Variants in PDE7B observed in about 807,000 individuals in gnomAD.
PDE7B encodes phosphodiesterase 7B, also known as 3',5'-cyclic-AMP phosphodiesterase 7B.
A neutral mutation model predicts 56.2 loss-of-function variants in PDE7B; 29 were observed. The observed-to-expected ratio is 0.52, with a 90% CI of 0.38 to 0.70. PDE7B has a LOEUF of 0.70. PDE7B is among the 30% of genes least tolerant of loss of function. The probability of loss-of-function intolerance (pLI) is 0.00; values close to 1 mark genes in which losing one functional copy is unlikely to be tolerated. For synonymous variants in PDE7B, 197 were observed against 196.9 expected (o/e 1.00, Z 0.00); for missense variants, 490 against 565.0 (o/e 0.87, Z 1.35).
At chr6:136,130,407 C>T (rs1296854832) in intron 3 of PDE7B, among the ~76,000 whole-genome samples, 1 of 152,194 alleles carries the variant, frequency 6.6e-6, no homozygotes, top group Admixed American at 6.5e-5. Context: ...CAGGTGCCAT[C>T]TTGCCTCTAT....
intron 1 of PDE7B, among the ~76,000 whole-genome samples, chr6:135,913,045 C>T (rs1462528796): frequency 6.6e-6 from 1 of 152,172 alleles, no homozygotes; most frequent in Non-Finnish European, 1.5e-5. Flanking sequence ...CTCTAAATCC[C>T]ATTCTCTTTG....
intron 2 of PDE7B, among the ~76,000 whole-genome samples, chr6:136,064,089 CTA>C (rs1776890762): frequency 6.6e-6 from 1 of 152,068 alleles, no homozygotes. Flanking sequence ...TGTGATAAAA[CTA>C]TGAAAATATT....
chr6:135,960,912 T>G (rs748995513), intron 2 of PDE7B, among the ~76,000 whole-genome samples: 18 of 152,334 alleles, frequency 1.2e-4, no homozygotes, highest in Non-Finnish European at 2.6e-4. Context: ...TAGTTCATTC[T>G]TATTTGTTTC....
Position 136,191,603 on chromosome 6 carries a change from G to A in PDE7B, c.1127-11G>A. On this transcript the variant is annotated splice_polypyrimidine_tract_variant and intron_variant, in intron 12 of 12. Transcript: ENST00000308191. ...ACGCTGTGATGCTGAGCCTTGACTT[G>A]CCTGTTCTAGGTTTCATGAGCTACA... 2 of 1,610,936 alleles carry A rather than the reference G, an allele frequency of 1.2e-6. No homozygotes were observed. The highest frequency in any genetic ancestry group is 1.7e-6 in the Non-Finnish European group (2 of 1,177,360).
intron 2 of PDE7B, among the ~76,000 whole-genome samples, chr6:136,098,776 CTTTT>C (rs576368817): frequency 1.4e-5 from 2 of 139,072 alleles, no homozygotes; most frequent in African/African-American, 5.9e-5. Flanking sequence ...ACCTACTTTT[CTTTT>C]TTTTTTTTAT....
intron 2 of PDE7B, among the ~76,000 whole-genome samples, chr6:136,039,920 T>C (rs1776387089): frequency 6.6e-6 from 1 of 152,244 alleles, no homozygotes; most frequent in African/African-American, 2.4e-5. Flanking sequence ...AAAATTCATA[T>C]TACAAACTGC....
chr6:136,142,606 A>C (rs1005527138), intron 3 of PDE7B, among the ~76,000 whole-genome samples: 3 of 152,094 alleles, frequency 2.0e-5, no homozygotes, highest in Admixed American at 6.6e-5. Context: ...GTAGGTCACT[A>C]AGGACTTGCT....
At chr6:135,970,621 C>T (rs1775078305) in intron 2 of PDE7B, among the ~76,000 whole-genome samples, 1 of 152,164 alleles carries the variant, frequency 6.6e-6, no homozygotes, top group Admixed American at 6.5e-5. Context: ...GAGCCAGTTC[C>T]TAATCCATAA....
intron 2 of PDE7B, among the ~76,000 whole-genome samples, chr6:136,019,317 T>C (rs1776030116): frequency 6.6e-6 from 1 of 151,980 alleles, no homozygotes; most frequent in South Asian, 2.1e-4. Context: ...TCATTGAATA[T>C]ATGTAATTTT....
At chr6:136,100,057 C>T (rs1405653892) in intron 2 of PDE7B, among the ~76,000 whole-genome samples, 2 of 152,110 alleles carry the variant, frequency 1.3e-5, no homozygotes, top group East Asian at 3.9e-4. Flanking sequence ...TTGTTTTTGT[C>T]AGGTTTGTCA....
chr6:135,941,116 T>G (rs1318216085), intron 1 of PDE7B, among the ~76,000 whole-genome samples: 1 of 152,202 alleles, frequency 6.6e-6, no homozygotes, highest in East Asian at 1.9e-4. Context: ...AGCCTGTGCT[T>G]AAGCTATGCC....
intron 2 of PDE7B, among the ~76,000 whole-genome samples, chr6:135,953,531 C>T (rs1455875638): frequency 2.0e-5 from 3 of 151,960 alleles, no homozygotes; most frequent in Non-Finnish European, 2.9e-5. Flanking sequence ...TTGAGGATTA[C>T]GTGACAATAA....
chr6:135,871,772 TACACAC>T (rs10576996), intron 1 of PDE7B, among the ~76,000 whole-genome samples: 1,626 of 150,606 alleles, frequency 0.011, 30 homozygotes, highest in African/African-American at 0.036. Context: ...GATAGGTGTA[TACACAC>T]ACACACACAC....
At chr6:136,170,710 G>A (rs1326625133) in intron 8 of PDE7B, among the ~76,000 whole-genome samples, 1 of 152,176 alleles carries the variant, frequency 6.6e-6, no homozygotes, top group Non-Finnish European at 1.5e-5. Context: ...CTTGGTGAGA[G>A]TCTTCTTACT....
intron 3 of PDE7B, among the ~76,000 whole-genome samples, chr6:136,109,218 C>T (rs1344034454): frequency 2.0e-5 from 3 of 152,132 alleles, no homozygotes; most frequent in Non-Finnish European, 4.4e-5. Context: ...AGCCTGTAGT[C>T]CCAGCTACTT....
chr6:136,131,340 G>A (rs1778113205), intron 3 of PDE7B, among the ~76,000 whole-genome samples: 1 of 151,916 alleles, frequency 6.6e-6, no homozygotes, highest in Admixed American at 6.6e-5. Context: ...ATGCCCATGG[G>A]CCATGTTAAG....
chr6:135,931,474 G>C (rs1201527587), intron 1 of PDE7B, among the ~76,000 whole-genome samples: 1 of 152,152 alleles, frequency 6.6e-6, no homozygotes, highest in African/African-American at 2.4e-5. Flanking sequence ...AAGAATGTTG[G>C]CATCAGTTAA....
In PDE7B at chr6:136,074,800, T is replaced by C. The variant is rs139971927; in HGVS notation, c.83-33931T>C. 2.3e-3 allele frequency among the ~76,000 whole-genome samples: 356 copies of C among 152,340 alleles called. 6 individuals are homozygous for C. Among genetic ancestry groups the C allele is most frequent in the Admixed American group, 0.021 (320 of 15,296 alleles). On this transcript the variant is annotated intron_variant, in intron 2 of 12. Transcript: ENST00000308191. ...TGAATAGTACTCCATTGTGTATGTG[T>C]CCCACATTTTCTTTATCCATTCATC...
chr6:135,879,603 T>A (rs538663523), intron 1 of PDE7B, among the ~76,000 whole-genome samples: 2 of 152,256 alleles, frequency 1.3e-5, no homozygotes, highest in African/African-American at 4.8e-5. Context: ...TGTAGACAAC[T>A]GTAATGACCA....
Sources: allele counts gnomAD v4.1 joint callset (sites outside exome capture counted in the v4.1 genomes callset), GRCh38; gene constraint gnomAD v4.1.1; transcripts MANE v1.5; gene names NCBI Gene and HGNC (gene_info 2026-07-23, HGNC 2026-07-21).